JMY: variants seen among roughly 807,000 people sequenced by gnomAD.
The protein encoded by JMY is junction mediating and regulatory protein, p53 cofactor, also known as junction-mediating and -regulatory protein.
In JMY, 46 loss-of-function variants were observed where a neutral mutation model predicts 103.3. The observed-to-expected ratio is 0.45, with a 90% CI of 0.35 to 0.57. JMY has a LOEUF of 0.57. Among genes scored for constraint, JMY ranks in the 20% least tolerant of loss-of-function variants. JMY has a pLI of 0.00. For missense variants in JMY, 1,238 were observed against 1,255.2 expected (o/e 0.99, Z 0.21); for synonymous variants, 526 against 489.3 (o/e 1.07, Z -0.99).
chr5:79,294,318 C>A (rs201741596), intron 4 of JMY, among the ~76,000 whole-genome samples: 2 of 151,964 alleles, frequency 1.3e-5, no homozygotes, highest in African/African-American at 2.4e-5. Flanking sequence ...GCAGGAGAAT[C>A]GCTTGAACCT....
At chr5:79,310,372 T>A (rs750662767) in intron 7 of JMY, among the ~76,000 whole-genome samples, 2 of 152,170 alleles carry the variant, frequency 1.3e-5, no homozygotes, top group Non-Finnish European at 1.5e-5. Context: ...AGAAATTGAT[T>A]CTTAAGGTAA....
intron 1 of JMY, among the ~76,000 whole-genome samples, chr5:79,262,860 T>C (rs1407012335): frequency 6.6e-6 from 1 of 152,260 alleles, no homozygotes; most frequent in East Asian, 1.9e-4. Context: ...GTAACTGATA[T>C]TCTGTCCTCA....
chr5:79,301,338 C>T (rs982028118), intron 6 of JMY, among the ~76,000 whole-genome samples: 1 of 152,172 alleles, frequency 6.6e-6, no homozygotes, highest in Non-Finnish European at 1.5e-5. Flanking sequence ...TGTTAACTAT[C>T]GTGGAGCTGT....
At chr5:79,318,575 A>G (rs1213245627) in intron 10 of JMY, among the ~76,000 whole-genome samples, 1 of 152,110 alleles carries the variant, frequency 6.6e-6, no homozygotes, top group Admixed American at 6.6e-5. Flanking sequence ...GTAATATTAC[A>G]TTCACCATGA....
intron 1 of JMY, among the ~76,000 whole-genome samples, chr5:79,272,542 A>C (rs1745815517): frequency 6.6e-6 from 1 of 151,632 alleles, no homozygotes; most frequent in African/African-American, 2.4e-5. Flanking sequence ...TAATAACTTG[A>C]ATATATTGGG....
At chr5:79,320,777 T>G (rs1326255510) in intron 10 of JMY, among the ~76,000 whole-genome samples, 3 of 152,246 alleles carry the variant, frequency 2.0e-5, no homozygotes, top group Non-Finnish European at 4.4e-5. Context: ...GTAGTATCCT[T>G]CAACACATAA....
Position 79,236,696 on chromosome 5 carries a change from G to A in JMY, c.46G>A (p.Val16Met). 6.7e-7 allele frequency: 1 copy of A among 1,495,808 alleles called. No individual in the cohort carries two copies. Among genetic ancestry groups the A allele is most frequent in the South Asian group, 1.3e-5 (1 of 77,978 alleles). The allele number at this position is 1,495,808 out of a possible 1,614,324, so 92.7% of individuals were successfully genotyped here. The stretch of plus-strand genomic sequence containing the variant: ...GACGCTCGAGTCGGACTGGGTGGCT[G>A]TGCGGCCCCATGTGTTCGACGAGCG... ...EETLESDWVA[V>M]RPHVFDEREK... The change falls in exon 1 of 11, where the codon GTG becomes ATG. Residue 16 changes from valine (V) to methionine (M), a missense_variant. Coordinates refer to ENST00000396137, the MANE Select transcript of JMY (RefSeq NM_152405.5).
Position 79,300,824 on chromosome 5 carries a change from A to T in JMY, c.1842A>T (p.Gly614=), listed in dbSNP as rs913589963. Residue 614 remains glycine, a synonymous_variant, in exon 6 of 11, where the codon GGA becomes GGT. Transcript: ENST00000396137. The part of the protein sequence containing the change: ...QKARQLEARR[G]RVSAKKSYLR... ...CACGCCAGCTGGAAGCAAGACGTGGACGGGTTTCTGCCAAGAAATCCTACC... is the reference window on the plus strand; with the variant it reads ...CACGCCAGCTGGAAGCAAGACGTGGTCGGGTTTCTGCCAAGAAATCCTACC... The T allele has an allele frequency of 1.2e-6, 2 of 1,603,244 alleles. No homozygotes were observed. Among genetic ancestry groups the T allele is most frequent in the South Asian group, 1.1e-5 (1 of 88,474 alleles).
chr5:79,301,075 T>C (rs1746719826), intron 6 of JMY, among the ~76,000 whole-genome samples: 1 of 152,204 alleles, frequency 6.6e-6, no homozygotes, highest in African/African-American at 2.4e-5. Flanking sequence ...GAAACACTAA[T>C]GGTGACTCTG....
intron 1 of JMY, among the ~76,000 whole-genome samples, chr5:79,271,566 G>T (rs1481814784): frequency 6.6e-6 from 1 of 152,098 alleles, no homozygotes; most frequent in East Asian, 1.9e-4. Context: ...ATGGATATAG[G>T]TCTGTTCAGA....
In JMY at chr5:79,312,421, G is replaced by A. The variant is rs1031165338; in HGVS notation, c.1987G>A (p.Asp663Asn). ...TTACCAGAAGAGAGAAAAATTACAT[G>A]ATGAAGAAGAAAGAAAAAGTGCCTG... ...TVQLKREKLH[D>N]EEERKSAWVS... The change falls in exon 8 of 11, where the codon GAT becomes AAT. Residue 663 changes from aspartate to asparagine, a missense_variant. Physicochemically the swap from Asp to Asn is conservative, Grantham distance 23 (BLOSUM62 1). Transcript: ENST00000396137. The A allele has an allele frequency of 3.8e-6, 6 of 1,573,732 alleles. No individual in the cohort carries two copies. In the Admixed American group the frequency reaches 1.1e-4, roughly 30 times the overall value.
rs1747595545 is a variant in JMY at position 79,325,225 on chromosome 5, G to T, written c.*3623G>T. 6.6e-6 allele frequency: 1 copy of T among 152,072 alleles called. No individual in the cohort carries two copies. Among genetic ancestry groups the T allele is most frequent in the African/African-American group, 2.4e-5 (1 of 41,426 alleles). 9.4% of individuals were successfully genotyped at this position (152,072 alleles called of 1,614,324 possible). On this transcript the variant is annotated 3_prime_UTR_variant, in exon 11 of 11. Transcript: ENST00000396137. ...AGGCAAAGCTAAATACAAGGTTTTT[G>T]GGGTTTTCTTTTTTCAGCTTTATTA...
rs1190072709 is a variant in JMY, at chr5:79,237,412, G to A, written c.762G>A (p.Pro254=). 2.5e-6 allele frequency: 4 copies of A among 1,613,482 alleles called. No homozygotes were observed. The highest frequency in any genetic ancestry group is 1.7e-5 in the Admixed American group (1 of 60,006). Residue 254 remains proline (P), a synonymous_variant, in exon 1 of 11, where the codon CCG becomes CCA. Coordinates refer to ENST00000396137, the MANE Select transcript of JMY (RefSeq NM_152405.5). ...QLCSVNSQLE[P]CLPVFPEEPS... is the part of the protein sequence containing the mutation. ...GCTCGGTGAACTCGCAGTTGGAGCC[G>A]TGCCTGCCGGTGTTCCCCGAGGAAC...
At position 79,278,169 on chromosome 5, in the gene JMY, TTAAAAAAAAA is replaced by T; in HGVS notation, c.1206+87_1206+96del. On this transcript the variant is annotated intron_variant, in intron 2 of 10. Transcript: ENST00000396137. ...CCATGCGTTATCCACAAGAGGAACT[TTAAAAAAAAA>T]AAAAAAAAGAAGGTACCTGGTCCTA... 1.4e-5 allele frequency: 13 copies of T among 906,262 alleles called. No homozygotes were observed. The South Asian group carries it at 3.4e-4, about 24-fold the overall frequency. The allele number at this position is 906,262 out of a possible 1,614,324, so 56.1% of individuals were successfully genotyped here.
chr5:79,289,577 T>C (rs138138268), intron 2 of JMY, among the ~76,000 whole-genome samples: 13 of 152,330 alleles, frequency 8.5e-5, no homozygotes, highest in African/African-American at 3.1e-4. Flanking sequence ...AATTTTGTTT[T>C]AGCATTCACC....
At chr5:79,313,431 AC>A (rs1747111420) in intron 8 of JMY, among the ~76,000 whole-genome samples, 2 of 152,058 alleles carry the variant, frequency 1.3e-5, no homozygotes, top group African/African-American at 4.8e-5. Context: ...AAACAAACAA[AC>A]AAACAAAAGG....
At chr5:79,261,371 G>A (rs550767280) in intron 1 of JMY, among the ~76,000 whole-genome samples, 4 of 151,926 alleles carry the variant, frequency 2.6e-5, no homozygotes, top group East Asian at 1.9e-4. Context: ...TAAAAGTGCC[G>A]TCTCTACAAA....
chr5:79,305,092 A>G (rs77257302), intron 6 of JMY, among the ~76,000 whole-genome samples: 1 of 152,210 alleles, frequency 6.6e-6, no homozygotes, highest in African/African-American at 2.4e-5. Flanking sequence ...AAAAAATGAC[A>G]TTTTGCTTTA....
intron 2 of JMY, among the ~76,000 whole-genome samples, chr5:79,279,350 T>A (rs969003459): frequency 6.6e-6 from 1 of 152,120 alleles, no homozygotes; most frequent in South Asian, 2.1e-4. Flanking sequence ...AAAATTAAAT[T>A]TTTTCCCCCA....
Sources: gnomAD v4.1 joint callset for allele counts (sites outside exome capture counted in the v4.1 genomes callset) on GRCh38, gnomAD v4.1.1 for gene constraint, MANE v1.5 for transcripts, NCBI Gene and HGNC (gene_info 2026-07-23, HGNC 2026-07-21) for gene names.